Variants in DLC1 observed in about 807,000 individuals in gnomAD.
DLC1 encodes DLC1 Rho GTPase activating protein, also known as rho GTPase-activating protein 7.
Under a neutral mutation model 140.3 loss-of-function variants are expected in DLC1, and 54 were observed. The observed-to-expected ratio is 0.38, with a 90% CI of 0.31 to 0.48. The LOEUF (loss-of-function observed/expected upper bound fraction) is 0.48, where lower values mean the gene tolerates loss of function less well. Among genes scored for constraint, DLC1 ranks in the 20% least tolerant of loss-of-function variants. The pLI, the probability that DLC1 is intolerant of heterozygous loss-of-function variation, is 0.96. For synonymous variants in DLC1, 986 were observed against 728.1 expected, an observed-to-expected ratio of 1.35 and a Z score of -5.70; for missense variants, 2,536 against 1,907.0, an observed-to-expected ratio of 1.33 and a Z score of -6.14.
intron 2 of DLC1, among the ~76,000 whole-genome samples, chr8:13,420,649 T>C (rs1304652181): frequency 6.6e-6 from 1 of 152,114 alleles, no homozygotes; most frequent in Non-Finnish European, 1.5e-5. Flanking sequence ...AGTGAGAACA[T>C]GCAGTATTTG....
chr8:13,582,046 G>T (rs964853285), intron 1 of DLC1, among the ~76,000 whole-genome samples: 1 of 152,134 alleles, frequency 6.6e-6, no homozygotes, highest in Non-Finnish European at 1.5e-5. Context: ...GCAAGAGAAG[G>T]GATTGGAGAA....
At chr8:13,377,834 G>A (rs980735652) in intron 4 of DLC1, among the ~76,000 whole-genome samples, 7 of 151,800 alleles carry the variant, frequency 4.6e-5, no homozygotes, top group African/African-American at 1.7e-4. Context: ...AAATCTATTG[G>A]CCTCCTATTT....
intron 2 of DLC1, among the ~76,000 whole-genome samples, chr8:13,478,171 G>A (rs570411543): frequency 6.6e-6 from 1 of 152,278 alleles, no homozygotes; most frequent in Non-Finnish European, 1.5e-5. Flanking sequence ...CATCTGCTCA[G>A]GGAGGCCTTA....
At chr8:13,491,095 TA>T (rs1801217809) in intron 2 of DLC1, among the ~76,000 whole-genome samples, 1 of 147,882 alleles carries the variant, frequency 6.8e-6, no homozygotes, top group African/African-American at 2.5e-5. Flanking sequence ...TATTCAAATT[TA>T]ATATTTTTTA....
intron 2 of DLC1, among the ~76,000 whole-genome samples, chr8:13,477,139 A>G (rs1432513648): frequency 6.6e-6 from 1 of 152,184 alleles, no homozygotes; most frequent in Non-Finnish European, 1.5e-5. Flanking sequence ...CAGAGGAAGC[A>G]CATGCTCTCT....
At chr8:13,356,814 T>A (rs1250272597) in intron 4 of DLC1, among the ~76,000 whole-genome samples, 1 of 152,054 alleles carries the variant, frequency 6.6e-6, no homozygotes, top group African/African-American at 2.4e-5. Context: ...CTGTTTCTAT[T>A]CCTGGACCAC....
chr8:13,545,423 C>T (rs1803620556), intron 1 of DLC1, among the ~76,000 whole-genome samples: 2 of 151,952 alleles, frequency 1.3e-5, no homozygotes, highest in Non-Finnish European at 2.9e-5. Context: ...TCCCCTAAGT[C>T]ATCTTTGCCG....
At position 13,258,715 on chromosome 8, in the gene DLC1, A is replaced by C. The variant is rs183663325; in HGVS notation, c.1348+46554T>G. On this transcript the variant is annotated intron_variant, in intron 5 of 17. Coordinates refer to ENST00000276297, the MANE Select transcript of DLC1 (RefSeq NM_182643.3). The stretch of plus-strand genomic sequence containing the variant: ...GCCTGTGGAACATAGTATGTCCTAC[A>C]TGAAGATTAGTTTCTATCTTTCTAT... 6.6e-5 allele frequency among the ~76,000 whole-genome samples: 10 copies of C among 152,366 alleles called. 1 individual carries two copies. Among genetic ancestry groups the C allele is most frequent in the African/African-American group, 2.4e-4 (10 of 41,590 alleles).
intron 13 of DLC1, among the ~76,000 whole-genome samples, chr8:13,092,123 T>C (rs190347439): frequency 4.6e-5 from 7 of 152,248 alleles, no homozygotes; most frequent in African/African-American, 1.7e-4. Context: ...CAGGCACCTA[T>C]AGTCCCAGCT....
At chr8:13,161,289 T>A (rs1824678132) in intron 5 of DLC1, among the ~76,000 whole-genome samples, 1 of 152,156 alleles carries the variant, frequency 6.6e-6, no homozygotes, top group South Asian at 2.1e-4. Context: ...AGAGCAGCAC[T>A]GAATGCAGTG....
At chr8:13,222,299 A>G (rs1440480243) in intron 5 of DLC1, among the ~76,000 whole-genome samples, 2 of 152,154 alleles carry the variant, frequency 1.3e-5, no homozygotes, top group Admixed American at 1.3e-4. Flanking sequence ...TTATGGTAGA[A>G]AAATGAAGCC....
intron 4 of DLC1, among the ~76,000 whole-genome samples, chr8:13,358,885 A>G (rs942068605): frequency 3.3e-5 from 5 of 152,232 alleles, no homozygotes; most frequent in African/African-American, 1.2e-4. Flanking sequence ...AGGTATCCCT[A>G]GGCAACACTA....
intron 5 of DLC1, among the ~76,000 whole-genome samples, chr8:13,208,014 T>C (rs1485398093): frequency 2.0e-5 from 3 of 152,206 alleles, no homozygotes; most frequent in Non-Finnish European, 2.9e-5. Flanking sequence ...GCAAAATGTC[T>C]AGTATTTGTT....
intron 4 of DLC1, chr8:13,338,829 A>T (rs923885378): frequency 2.6e-5 from 4 of 152,092 alleles, no homozygotes; most frequent in Admixed American, 2.6e-4. Flanking sequence ...AACAATAAAT[A>T]GCCTTTGTCT....
At chr8:13,274,433 A>G (rs1470914817) in intron 5 of DLC1, among the ~76,000 whole-genome samples, 4 of 152,360 alleles carry the variant, frequency 2.6e-5, no homozygotes, top group Non-Finnish European at 4.4e-5. Context: ...TGGGCAACAT[A>G]AAGAATTATT....
Position 13,499,731 on chromosome 8 carries a change from T to C in DLC1, c.341A>G (p.Asp114Gly), listed in dbSNP as rs1801701979. 4 of 1,614,172 alleles carry C rather than the reference T, an allele frequency of 2.5e-6. No homozygotes were observed. Among genetic ancestry groups the C allele is most frequent in the Non-Finnish European group, 3.4e-6 (4 of 1,180,012 alleles). Residue 114 changes from aspartate (D) to glycine (G), a missense_variant, in exon 2 of 18, where the codon GAT becomes GGT. By Grantham distance (94) the Asp-to-Gly change is moderately conservative. Coordinates refer to ENST00000276297, the MANE Select transcript of DLC1 (RefSeq NM_182643.3). ...TGTAAGGCATAAATCAGCATTGTTATCCTCATCAGAAACATGCACTAGTGT... is the reference window on the plus strand; with the variant it reads ...TGTAAGGCATAAATCAGCATTGTTACCCTCATCAGAAACATGCACTAGTGT... ...TETLVHVSDE[D>G]NNADLCLTDD...
intron 2 of DLC1, among the ~76,000 whole-genome samples, chr8:13,421,074 A>G (rs1838300963): frequency 6.6e-6 from 1 of 152,204 alleles, no homozygotes; most frequent in South Asian, 2.1e-4. Context: ...TTAGCATCAT[A>G]GCTGTAATTC....
chr8:13,090,817 T>TG (rs1817998148), intron 14 of DLC1, among the ~76,000 whole-genome samples: 1 of 151,176 alleles, frequency 6.6e-6, no homozygotes, highest in Non-Finnish European at 1.5e-5. Flanking sequence ...TTCTTTTTTT[T>TG]TTTTTTGAGA....
intron 4 of DLC1, among the ~76,000 whole-genome samples, chr8:13,353,985 C>T (rs2117043605): frequency 6.6e-6 from 1 of 152,102 alleles, no homozygotes; most frequent in South Asian, 2.1e-4. Flanking sequence ...TTCTGTGGGT[C>T]CACTGACTTT....
Sources: gnomAD v4.1 joint callset for allele counts (sites outside exome capture counted in the v4.1 genomes callset) on GRCh38, gnomAD v4.1.1 for gene constraint, MANE v1.5 for transcripts, NCBI Gene and HGNC (gene_info 2026-07-23, HGNC 2026-07-21) for gene names.